Variants in HS6ST3 observed in about 807,000 individuals in gnomAD.
The protein encoded by HS6ST3 is heparan-sulfate 6-O-sulfotransferase 3.
HS6ST3 carries 12 observed loss-of-function variants against 36.7 expected under a neutral mutation model. The ratio of observed to expected loss-of-function variants is 0.33; its 90% CI spans 0.21 to 0.53. HS6ST3 has a LOEUF of 0.53. HS6ST3 is among the 20% of genes least tolerant of loss of function. The probability of loss-of-function intolerance (pLI) is 0.95; values close to 1 mark genes in which losing one functional copy is unlikely to be tolerated. For synonymous variants in HS6ST3, 240 were observed against 257.5 expected (o/e 0.93, Z 0.65); for missense variants, 584 against 640.9 (o/e 0.91, Z 0.96).
intron 1 of HS6ST3, among the ~76,000 whole-genome samples, chr13:96,496,919 C>T (rs2055979773): frequency 6.6e-6 from 1 of 152,102 alleles, no homozygotes; most frequent in Non-Finnish European, 1.5e-5. Flanking sequence ...AAGACTAACA[C>T]ACATATAGGG....
chr13:96,159,368 G>A (rs1251118523), intron 1 of HS6ST3, among the ~76,000 whole-genome samples: 3 of 152,082 alleles, frequency 2.0e-5, no homozygotes, highest in African/African-American at 7.2e-5. Flanking sequence ...TAGTCTTGTT[G>A]TTTGTTTTTT....
intron 1 of HS6ST3, among the ~76,000 whole-genome samples, chr13:96,656,902 G>C (rs2056627160): frequency 6.6e-6 from 1 of 151,474 alleles, no homozygotes; most frequent in Non-Finnish European, 1.5e-5. Context: ...GCCAGATGCA[G>C]TTTGTCAAAA....
At chr13:96,735,027 G>A (rs1461933303) in intron 1 of HS6ST3, among the ~76,000 whole-genome samples, 2 of 152,100 alleles carry the variant, frequency 1.3e-5, no homozygotes, top group Non-Finnish European at 2.9e-5. Flanking sequence ...TTTGGATGCT[G>A]GATTTTGACA....
At chr13:96,652,790 A>G (rs2056612049) in intron 1 of HS6ST3, among the ~76,000 whole-genome samples, 1 of 152,112 alleles carries the variant, frequency 6.6e-6, no homozygotes, top group Non-Finnish European at 1.5e-5. Flanking sequence ...GCAGTTAGCA[A>G]TAGGATTCAT....
intron 1 of HS6ST3, among the ~76,000 whole-genome samples, chr13:96,152,316 CTTTT>C (rs766489670): frequency 2.1e-5 from 2 of 97,092 alleles, no homozygotes; most frequent in African/African-American, 7.8e-5. Flanking sequence ...GGCCCCTTTC[CTTTT>C]TTTTTTTTTT....
intron 1 of HS6ST3, among the ~76,000 whole-genome samples, chr13:96,655,166 A>C (rs1268561667): frequency 1.3e-5 from 2 of 152,118 alleles, no homozygotes; most frequent in Non-Finnish European, 2.9e-5. Context: ...CAAAATGAGC[A>C]TCTTAGTTCC....
At chr13:96,295,192 T>A (rs1053542530) in intron 1 of HS6ST3, among the ~76,000 whole-genome samples, 1 of 152,112 alleles carries the variant, frequency 6.6e-6, no homozygotes, top group Non-Finnish European at 1.5e-5. Context: ...TATAATAGAA[T>A]GAAAATGATT....
At chr13:96,493,548 G>C (rs1322547651) in intron 1 of HS6ST3, among the ~76,000 whole-genome samples, 1 of 152,110 alleles carries the variant, frequency 6.6e-6, no homozygotes, top group Non-Finnish European at 1.5e-5. Context: ...TTGGTTCAGA[G>C]TGATATTGAA....
intron 1 of HS6ST3, among the ~76,000 whole-genome samples, chr13:96,171,235 T>G (rs775600382): frequency 6.6e-6 from 1 of 152,208 alleles, no homozygotes; most frequent in African/African-American, 2.4e-5. Flanking sequence ...AACATGAAAT[T>G]CTGAATTTCC....
At chr13:96,464,360 G>A (rs3897950) in intron 1 of HS6ST3, among the ~76,000 whole-genome samples, 94,328 of 151,562 alleles carry the variant, frequency 0.62, 32,374 homozygotes, top group South Asian at 0.79. Context: ...CCTTGGCTGC[G>A]GCACCTGAAT....
chr13:96,790,660 C>T (rs1877765421), intron 1 of HS6ST3, among the ~76,000 whole-genome samples: 1 of 151,950 alleles, frequency 6.6e-6, no homozygotes, highest in Admixed American at 6.6e-5. Flanking sequence ...CAAAATCTTG[C>T]CTGTCCAAAT....
At chr13:96,166,825 A>G (rs189772921) in intron 1 of HS6ST3, among the ~76,000 whole-genome samples, 5 of 152,094 alleles carry the variant, frequency 3.3e-5, no homozygotes, top group Admixed American at 3.3e-4. Context: ...TATAGCAGGG[A>G]CCAGTGGGAG....
At chr13:96,170,037 T>C (rs962345014) in intron 1 of HS6ST3, among the ~76,000 whole-genome samples, 3 of 152,226 alleles carry the variant, frequency 2.0e-5, no homozygotes, top group African/African-American at 7.2e-5. Flanking sequence ...CAGAACTTGC[T>C]TATGATAAAA....
intron 1 of HS6ST3, among the ~76,000 whole-genome samples, chr13:96,281,799 C>T (rs2054777227): frequency 6.6e-6 from 1 of 152,138 alleles, no homozygotes; most frequent in Non-Finnish European, 1.5e-5. Context: ...TTCAGACTTC[C>T]CTCATGAAAC....
At chr13:96,753,633 T>G (rs910500717) in intron 1 of HS6ST3, among the ~76,000 whole-genome samples, 7 of 152,212 alleles carry the variant, frequency 4.6e-5, no homozygotes, top group Middle Eastern at 3.2e-3. Context: ...AATTATATCT[T>G]CTGTAGAAAA....
intron 1 of HS6ST3, among the ~76,000 whole-genome samples, chr13:96,598,659 C>T (rs2056410868): frequency 6.6e-6 from 1 of 152,032 alleles, no homozygotes; most frequent in East Asian, 1.9e-4. Flanking sequence ...TTTGGATGTC[C>T]TTTATTTCTT....
intron 1 of HS6ST3, among the ~76,000 whole-genome samples, chr13:96,540,895 CAG>C (rs983520602): frequency 1.6e-4 from 24 of 152,066 alleles, no homozygotes; most frequent in Non-Finnish European, 2.9e-5. Flanking sequence ...AGTGTAGAGT[CAG>C]AGTGACCTCA....
intron 1 of HS6ST3, among the ~76,000 whole-genome samples, chr13:96,552,301 G>C (rs1251212820): frequency 6.6e-6 from 1 of 152,172 alleles, no homozygotes; most frequent in African/African-American, 2.4e-5. Flanking sequence ...GATCACCTGA[G>C]GACAGGCCTC....
intron 1 of HS6ST3, among the ~76,000 whole-genome samples, chr13:96,733,468 C>T (rs541773100): frequency 6.6e-6 from 1 of 152,234 alleles, no homozygotes; most frequent in African/African-American, 2.4e-5. Context: ...TAGCCATGTT[C>T]TCCAGTCATT....
Sources: allele counts gnomAD v4.1 joint callset (sites outside exome capture counted in the v4.1 genomes callset), GRCh38; gene constraint gnomAD v4.1.1; transcripts MANE v1.5; gene names NCBI Gene and HGNC (gene_info 2026-07-23, HGNC 2026-07-21).